Variants in SLC30A6 observed in about 807,000 individuals in gnomAD.
SLC30A6 encodes the protein solute carrier family 30 member 6, also known as zinc transporter 6.
SLC30A6 carries 55 observed loss-of-function variants against 63.0 expected under a neutral mutation model. The ratio of observed to expected loss-of-function variants is 0.87; its 90% CI spans 0.70 to 1.09. The LOEUF is 1.09. Ranked by LOEUF, SLC30A6 falls within the 50% of genes least tolerant of loss-of-function variation. SLC30A6 has a pLI of 0.00. For missense variants in SLC30A6, 587 were observed against 549.2 expected (o/e 1.07, Z -0.69); for synonymous variants, 224 against 186.1 (o/e 1.20, Z -1.66).
At chr2:32,198,563 G>A (rs1255573507) in intron 10 of SLC30A6, among the ~76,000 whole-genome samples, 1 of 152,058 alleles carries the variant, frequency 6.6e-6, no homozygotes, top group East Asian at 1.9e-4. Flanking sequence ...ATTTTAAATT[G>A]CATTAAAATA....
chr2:32,184,286 T>G lies in SLC30A6; in HGVS notation c.232T>G (p.Leu78Val), dbSNP rs538854752. Reference protein sequence around the residue: ...IFDLFSLMTCLISYWVTLRKP... With the variant: ...IFDLFSLMTCVISYWVTLRKP... ...CTTTTTACTTAGTTTAATGACATGTTTAATAAGTTACTGGGTAACATTGAG... is the reference window on the plus strand; with the variant it reads ...CTTTTTACTTAGTTTAATGACATGTGTAATAAGTTACTGGGTAACATTGAG... The change falls in exon 5 of 14, where the codon TTA becomes GTA. Residue 78 changes from leucine to valine, a missense_variant. Leu to Val is a conservative substitution (Grantham distance 32). Transcript: ENST00000282587. The G allele has an allele frequency of 1.3e-6, 2 of 1,545,728 alleles. No homozygotes were observed. The highest frequency in any genetic ancestry group is 2.3e-5 in the East Asian group (1 of 43,362).
Position 32,220,532 on chromosome 2 carries a change from T to A in SLC30A6, c.1205T>A (p.Leu402Gln), listed in dbSNP as rs765712680. ...PGKNVNPVILLNTQTRPYGFG... is the reference protein window; with the variant it reads ...PGKNVNPVILQNTQTRPYGFG... ...AAAAATGTGAACCCAGTTATTCTTCTAAACACACAAACAAGGCCTTATGGT... is the reference window on the plus strand; with the variant it reads ...AAAAATGTGAACCCAGTTATTCTTCAAAACACACAAACAAGGCCTTATGGT... Residue 402 changes from leucine (L) to glutamine (Q), a missense_variant, in exon 14 of 14, where the codon CTA becomes CAA. By Grantham distance (113) the Leu-to-Gln change is moderately radical. Transcript: ENST00000282587. 1 of 1,614,106 alleles carries A rather than the reference T, an allele frequency of 6.2e-7. No individual in the cohort carries two copies.
intron 13 of SLC30A6, among the ~76,000 whole-genome samples, chr2:32,218,897 C>A (rs1252059057): frequency 1.3e-5 from 2 of 152,086 alleles, no homozygotes; most frequent in African/African-American, 4.8e-5. Flanking sequence ...AGTTTTTTTC[C>A]TACCTGATTT....
chr2:32,187,350 G>T, intron 5 of SLC30A6: 1 of 416,142 alleles, frequency 2.4e-6, no homozygotes, highest in South Asian at 1.8e-5. Context: ...AATAAATGCT[G>T]CCTAGTTCAG....
rs750023736 is a variant in SLC30A6, at chr2:32,220,709, C to G, written c.1382C>G (p.Pro461Arg). The change falls in exon 14 of 14, where the codon CCA becomes CGA. Residue 461 changes from proline (P) to arginine (R), a missense_variant. Transcript: ENST00000282587. ...AATAATAGAATTGGACAACCAAGAC[C>G]ATGATAGACTCTAACTTATTTTTAT... is the stretch of plus-strand genomic sequence containing the variant. Reference protein sequence around the residue: ...GTNNRIGQPRP With the variant: ...GTNNRIGQPRR 6.2e-7 allele frequency: 1 copy of G among 1,607,972 alleles called. No homozygotes were observed. The highest frequency in any genetic ancestry group is 1.7e-5 in the Admixed American group (1 of 58,990).
chr2:32,219,790 T>C (rs1288655933), intron 13 of SLC30A6, among the ~76,000 whole-genome samples: 5 of 152,194 alleles, frequency 3.3e-5, no homozygotes, highest in Admixed American at 2.0e-4. Flanking sequence ...ATGCCATACA[T>C]TTTCATTGCT....
At chr2:32,207,692 ATTT>A (rs34666891) in intron 12 of SLC30A6, among the ~76,000 whole-genome samples, 1 of 54,440 alleles carries the variant, frequency 1.8e-5, no homozygotes, top group Non-Finnish European at 3.1e-5. Context: ...TAACTTCTGT[ATTT>A]TTTTTTTTTT....
Position 32,184,331 on chromosome 2 carries a change from T to A in SLC30A6, c.277T>A (p.Ser93Thr), listed in dbSNP as rs1682615532. ...VTLRKPSPVY[S>T]FGFERLEVLA... ...ATTGAGGAAACCTAGCCCTGTCTAT[T>A]CATTTGGGTAAGTTCAAATTATTTT... Residue 93 changes from serine (S) to threonine (T), a missense_variant, in exon 5 of 14, where the codon TCA becomes ACA. Coordinates refer to ENST00000282587, the MANE Select transcript of SLC30A6 (RefSeq NM_017964.5). 1 of 1,497,274 alleles carries A rather than the reference T, an allele frequency of 6.7e-7. No individual in the cohort carries two copies. The highest frequency in any genetic ancestry group is 1.4e-5 in the African/African-American group (1 of 71,504). 92.7% of individuals were successfully genotyped at this position (1,497,274 alleles called of 1,614,324 possible).
intron 13 of SLC30A6, among the ~76,000 whole-genome samples, chr2:32,217,239 C>A (rs992932744): frequency 6.6e-5 from 10 of 152,232 alleles, no homozygotes; most frequent in South Asian, 2.1e-4. Context: ...TTGAGTTAAT[C>A]TTTTTATATG....
intron 8 of SLC30A6, among the ~76,000 whole-genome samples, chr2:32,194,724 C>T (rs1683625407): frequency 6.6e-6 from 1 of 152,002 alleles, no homozygotes; most frequent in South Asian, 2.1e-4. Context: ...TTCTGAAATG[C>T]CCATTCAAGT....
intron 10 of SLC30A6, chr2:32,201,879 G>T: frequency 1.4e-6 from 2 of 1,449,936 alleles, no homozygotes; most frequent in Non-Finnish European, 1.9e-6. Context: ...CAGATTACCT[G>T]GATGCTCCCA....
chr2:32,175,468 C>A, intron 4 of SLC30A6, 107 bp downstream of exon 4: 1 of 879,796 alleles, frequency 1.1e-6, no homozygotes, highest in Admixed American at 2.6e-5. Flanking sequence ...TGATATCTTA[C>A]AAGAAAACAA....
Position 32,193,948 on chromosome 2 carries a change from C to T in SLC30A6, c.461C>T (p.Ser154Phe). 6.2e-7 allele frequency: 1 copy of T among 1,613,438 alleles called. No homozygotes were observed. Residue 154 changes from serine (S) to phenylalanine (F), a missense_variant, in exon 8 of 14, where the codon TCT becomes TTT. Ser to Phe is a radical substitution (Grantham distance 155). Coordinates refer to ENST00000282587, the MANE Select transcript of SLC30A6 (RefSeq NM_017964.5). ...TGTTTCAACCTGTTCACGATGCTTT[C>T]TATTCGGAATAAACCTTTTGCTTAT... ...ALCFNLFTML[S>F]IRNKPFAYVS... is the part of the protein sequence containing the mutation.
chr2:32,194,025 C>T (rs1171936635), intron 8 of SLC30A6, 42 bp downstream of exon 8: 1 of 1,500,424 alleles, frequency 6.7e-7, no homozygotes, highest in Non-Finnish European at 9.2e-7. Flanking sequence ...TCCAACTAAT[C>T]TCTCATAAAA....
chr2:32,190,182 G>A (rs1320471519), intron 5 of SLC30A6, among the ~76,000 whole-genome samples: 1 of 152,004 alleles, frequency 6.6e-6, no homozygotes, highest in African/African-American at 2.4e-5. Context: ...TTTTAGGCCG[G>A]GCGCGGTGGC....
rs1203678326 is a variant in SLC30A6, at chr2:32,204,241, GT to G, written c.666-343del. 1.3e-4 allele frequency among the ~76,000 whole-genome samples: 20 copies of G among 152,180 alleles called. No individual in the cohort carries two copies. In the South Asian group the frequency reaches 4.1e-3, roughly 32 times the overall value. On this transcript the variant is annotated intron_variant, in intron 10 of 13. Transcript: ENST00000282587. ...TTTTAAAAAAAAATTACTAGTTGAA[GT>G]TTTTTGTCTGTCTCAAGCAAATAAA...
chr2:32,202,331 TTTTGTTTGTTTG>T (rs555229530), intron 10 of SLC30A6: 2 of 389,612 alleles, frequency 5.1e-6, no homozygotes, highest in Non-Finnish European at 9.8e-6. Flanking sequence ...AGAAACAGTT[TTTTGTTTGTTTG>T]TTTGTTTGTT....
chr2:32,208,672 C>CTTT (rs1471004996), intron 12 of SLC30A6, among the ~76,000 whole-genome samples: 2 of 111,696 alleles, frequency 1.8e-5, no homozygotes, highest in African/African-American at 6.8e-5. Flanking sequence ...TGCTTCCCAC[C>CTTT]GGCTAATTGT....
rs139212329 is a variant in SLC30A6, at chr2:32,182,916, C to T, written c.219-1357C>T. ...GAACATACCAGTTCTCAGCCAGGCA[C>T]GGTGCCTCACACCTGTAATCCCAGC... On this transcript the variant is annotated intron_variant, in intron 4 of 13. Coordinates refer to ENST00000282587, the MANE Select transcript of SLC30A6 (RefSeq NM_017964.5). 5.0e-4 allele frequency among the ~76,000 whole-genome samples: 76 copies of T among 152,198 alleles called. 1 individual carries two copies. In the East Asian group the frequency reaches 0.011, roughly 22 times the overall value.
Sources: gnomAD v4.1 joint callset for allele counts (sites outside exome capture counted in the v4.1 genomes callset) on GRCh38, gnomAD v4.1.1 for gene constraint, MANE v1.5 for transcripts, NCBI Gene and HGNC (gene_info 2026-07-23, HGNC 2026-07-21) for gene names.